COL12A1: variants seen among roughly 807,000 people sequenced by gnomAD.
COL12A1 encodes the protein collagen alpha-1(XII) chain.
In COL12A1, 114 loss-of-function variants were observed where a neutral mutation model predicts 349.7. The observed-to-expected ratio is 0.33, with a 90% CI of 0.28 to 0.38. COL12A1 has a LOEUF of 0.38. COL12A1 is among the 10% of genes least tolerant of loss of function. The pLI is 1.00. For missense variants in COL12A1, 3,284 were observed against 3,756.9 expected (o/e 0.87, Z 3.29); for synonymous variants, 1,369 against 1,329.0 (o/e 1.03, Z -0.66).
Position 75,116,026 on chromosome 6 carries a change from G to A in COL12A1, c.7551C>T (p.Thr2517=), listed in dbSNP as rs1769059103. 1 of 1,613,336 alleles carries A rather than the reference G, an allele frequency of 6.2e-7. No individual in the cohort carries two copies. ...SCPLIYLDGY[T]SPGFKMLEAY... The stretch of plus-strand genomic sequence containing the variant: ...CAAAGTATAAATGCTTACCTGGTGA[G>A]GTGTAGCCATCCAAATAAATGAGAG... Residue 2517 remains threonine, a synonymous_variant, in exon 48 of 66, where the codon ACC becomes ACT. Coordinates refer to ENST00000322507, the MANE Select transcript of COL12A1 (RefSeq NM_004370.6).
rs1767765917 is a variant in COL12A1, at chr6:75,091,503, T to C, written c.8672A>G (p.Glu2891Gly). 6.2e-7 allele frequency: 1 copy of C among 1,612,526 alleles called. No homozygotes were observed. Reference protein sequence around the residue: ...GRPGPSGLKGEKGDRGDIASQ... With the variant: ...GRPGPSGLKGGKGDRGDIASQ... ...AAAAATACATACCCTATCACCTTTT[T>C]CTCCTTTCAACCCAGATGGACCCTG... The change falls in exon 61 of 66, where the codon GAA (glutamate) becomes GGA (glycine). Residue 2891 changes from glutamate (E) to glycine (G), a missense_variant. By Grantham distance (98) the Glu-to-Gly change is moderately conservative. Around this residue, in one of 2 missense-constraint regions of COL12A1, gnomAD observed 683 missense variants for 932.1 expected, o/e 0.73. Coordinates refer to ENST00000322507, the MANE Select transcript of COL12A1 (RefSeq NM_004370.6).
intron 11 of COL12A1, among the ~76,000 whole-genome samples, chr6:75,179,766 T>A (rs1410892539): frequency 6.6e-6 from 1 of 152,262 alleles, no homozygotes; most frequent in African/African-American, 2.4e-5. Flanking sequence ...TACTTTGCTA[T>A]GCTTATGTTA....
chr6:75,103,810 C>G lies in COL12A1; in HGVS notation c.8266G>C (p.Gly2756Arg). 6.2e-7 allele frequency: 1 copy of G among 1,612,158 alleles called. No individual in the cohort carries two copies. The highest frequency in any genetic ancestry group is 8.5e-7 in the Non-Finnish European group (1 of 1,178,504). ...CTGGGACCTTTAGCACCAGGTCCTC[C>G]CTAAAATACATAGAGCACATAGTAG... ...VGPPGPPGPA[G>R]GPGAKGPRGE... is the part of the protein sequence containing the mutation. Residue 2756 changes from glycine to arginine, a missense_variant and splice_region_variant, in exon 55 of 66, where the codon GGA becomes CGA. Gly to Arg is a moderately radical substitution (Grantham distance 125, BLOSUM62 -2). This residue lies in a region of COL12A1 where 683 missense variants were observed against 932.1 expected (regional missense o/e 0.73). Coordinates refer to ENST00000322507, the MANE Select transcript of COL12A1 (RefSeq NM_004370.6).
chr6:75,153,184 T>C (rs1767576709), intron 17 of COL12A1, among the ~76,000 whole-genome samples: 1 of 152,106 alleles, frequency 6.6e-6, no homozygotes, highest in South Asian at 2.1e-4. Flanking sequence ...TAAATATAGA[T>C]GGTGAAGTTT....
chr6:75,146,392 A>G (rs1767197064), intron 23 of COL12A1, 148 bp from the exon 24 acceptor site: 1 of 894,392 alleles, frequency 1.1e-6, no homozygotes, highest in Non-Finnish European at 1.5e-6. Context: ...AATCCTTCCC[A>G]TTGCCCCAAA....
chr6:75,126,294 C>A, intron 39 of COL12A1, 57 bp downstream of exon 39: 2 of 1,553,450 alleles, frequency 1.3e-6, no homozygotes, highest in South Asian at 2.4e-5. Flanking sequence ...GAGAAAATAC[C>A]CTCATATGCA....
rs1432448789 is a variant in COL12A1, at chr6:75,192,318, G to A, written c.228C>T (p.Thr76=). Residue 76 remains threonine (T), a synonymous_variant, in exon 4 of 66, where the codon ACC becomes ACT. Coordinates refer to ENST00000322507, the MANE Select transcript of COL12A1 (RefSeq NM_004370.6). ...PTKEFTLSAS[T]TETLLSELVP... ...CAAGTTCTGACAATAAAGTTTCAGT[G>A]GTACTAGCTGAAAGGGTAAATTCTT... is the stretch of plus-strand genomic sequence containing the variant. The A allele has an allele frequency of 6.2e-7, 1 of 1,611,458 alleles. No homozygotes were observed. The highest frequency in any genetic ancestry group is 8.5e-7 in the Non-Finnish European group (1 of 1,178,420).
At chr6:75,150,248 C>G (rs1240027590) in intron 21 of COL12A1, among the ~76,000 whole-genome samples, 2 of 152,138 alleles carry the variant, frequency 1.3e-5, no homozygotes, top group East Asian at 3.8e-4. Context: ...AAAAAACCTT[C>G]AAATTTGGTG....
rs115489127 is a variant in COL12A1 at position 75,202,917 on chromosome 6, C to A, written c.-35-90G>T. 1.2e-4 allele frequency: 96 copies of A among 776,170 alleles called. No individual in the cohort carries two copies. The African/African-American group carries it at 1.5e-3, about 12-fold the overall frequency. The allele number at this position is 776,170 out of a possible 1,614,324, so 48.1% of individuals were successfully genotyped here. A position where few individuals can be genotyped will look rare whatever the true frequency, so the allele number is the denominator to read the frequency against. ...TGGAGCCTGGACCTAGTCCAGAACCCGACCAGATCTGCCTTAAAAACCACA... is the reference window on the plus strand; with the variant it reads ...TGGAGCCTGGACCTAGTCCAGAACCAGACCAGATCTGCCTTAAAAACCACA... On this transcript the variant is annotated intron_variant, in intron 1 of 65. Transcript: ENST00000322507.
chr6:75,194,789 A>G (rs911041800), intron 3 of COL12A1, 42 bp downstream of exon 3: 1 of 1,274,308 alleles, frequency 7.8e-7, no homozygotes, highest in Non-Finnish European at 1.1e-6. Flanking sequence ...GAGTTATATC[A>G]TCATGATGCT....
intron 36 of COL12A1, 148 bp from the exon 37 acceptor site, chr6:75,130,381 G>A: frequency 2.3e-6 from 2 of 868,780 alleles, no homozygotes; most frequent in Non-Finnish European, 3.4e-6. Flanking sequence ...GTTTTAATGT[G>A]AAATCATAAA....
chr6:75,192,511 T>C (rs1769987240), intron 3 of COL12A1, among the ~76,000 whole-genome samples, 156 bp from the exon 4 acceptor site: 1 of 152,124 alleles, frequency 6.6e-6, no homozygotes, highest in Non-Finnish European at 1.5e-5. Context: ...CTTCCAAAAC[T>C]AAAATTTTGA....
chr6:75,179,333 C>G (rs2149459376), intron 11 of COL12A1, among the ~76,000 whole-genome samples: 1 of 152,226 alleles, frequency 6.6e-6, no homozygotes, highest in African/African-American at 2.4e-5. Context: ...TCTCTTGAGA[C>G]AGATTTCCCA....
At chr6:75,105,915 T>A (rs79460986) in intron 53 of COL12A1, among the ~76,000 whole-genome samples, 2 of 152,136 alleles carry the variant, frequency 1.3e-5, no homozygotes, top group South Asian at 2.1e-4. Flanking sequence ...GAATAAATAA[T>A]GCACACTCTT....
At chr6:75,110,601 G>C (rs1248270355) in intron 51 of COL12A1, among the ~76,000 whole-genome samples, 7 of 151,990 alleles carry the variant, frequency 4.6e-5, no homozygotes, top group African/African-American at 1.7e-4. Context: ...TGCCATTCTA[G>C]TTCTCTTTCT....
At chr6:75,133,837 T>C (rs759859473) in intron 33 of COL12A1, 21 bp downstream of exon 33, 3 of 1,613,368 alleles carry the variant, frequency 1.9e-6, no homozygotes, top group Non-Finnish European at 2.5e-6. Context: ...ACTAGCATTT[T>C]TTACTACAAG....
Position 75,085,554 on chromosome 6 carries a change from C to A in COL12A1, c.*993G>T. On this transcript the variant is annotated 3_prime_UTR_variant, in exon 66 of 66. Transcript: ENST00000322507. ...TAATCAAATAATGAAATGGCACTTT[C>A]TTAAAAAAAAAAACCTTCAAAAATC... The A allele has an allele frequency of 3.4e-6, 1 of 296,144 alleles. No individual in the cohort carries two copies. The highest frequency in any genetic ancestry group is 2.9e-5 in the South Asian group (1 of 34,810). The allele number at this position is 296,144 out of a possible 1,614,324, so 18.3% of individuals were successfully genotyped here.
At position 75,091,465 on chromosome 6, in the gene COL12A1, C is replaced by T. The variant is rs191411385; in HGVS notation, c.8685+25G>A. On this transcript the variant is annotated intron_variant, in intron 61 of 65. Transcript: ENST00000322507. ...TTCAATGTTTAACACACAAAATAAA[C>T]GTAAGATTTTTTAAAAATACATACC... 1.1e-4 allele frequency: 181 copies of T among 1,612,710 alleles called. No individual in the cohort carries two copies. The African/African-American group carries it at 1.9e-3, about 17-fold the overall frequency.
At chr6:75,131,819 A>G (rs999261035) in intron 35 of COL12A1, 121 bp downstream of exon 35, 1 of 1,107,386 alleles carries the variant, frequency 9.0e-7, no homozygotes, top group African/African-American at 1.6e-5. Flanking sequence ...CATCAAAAAC[A>G]ATAATTTAAG....
Sources: gnomAD v4.1 joint callset for allele counts (sites outside exome capture counted in the v4.1 genomes callset) on GRCh38, gnomAD v4.1.1 for gene constraint, gnomAD v4.1.1 regional missense constraint, MANE v1.5 for transcripts, NCBI Gene and HGNC (gene_info 2026-07-23, HGNC 2026-07-21) for gene names.